The following GAS2 variants were observed in gnomAD, a reference collection of about 807,000 sequenced individuals.
GAS2 encodes the protein growth arrest specific 2.
In GAS2, 20 loss-of-function variants were observed where a neutral mutation model predicts 37.5. The ratio of observed to expected loss-of-function variants is 0.53; its 90% CI spans 0.37 to 0.77. The LOEUF (loss-of-function observed/expected upper bound fraction) is 0.77. Ranked by LOEUF, GAS2 falls within the 30% of genes least tolerant of loss-of-function variation. The pLI is 0.00. For missense variants in GAS2, 336 were observed against 373.4 expected (o/e 0.90, Z 0.82); for synonymous variants, 144 against 132.2 (o/e 1.09, Z -0.61).
intron 6 of GAS2, among the ~76,000 whole-genome samples, chr11:22,753,758 A>G (rs1853869495): frequency 6.6e-6 from 1 of 152,086 alleles, no homozygotes; most frequent in African/African-American, 2.4e-5. Flanking sequence ...ACTTCTAGCA[A>G]TGGCATAAAC....
chr11:22,797,993 G>T (rs1396012782), intron 7 of GAS2, among the ~76,000 whole-genome samples: 1 of 152,032 alleles, frequency 6.6e-6, no homozygotes, highest in East Asian at 1.9e-4. Context: ...TGTACCCTTG[G>T]CAAAGTCACT....
At chr11:22,768,642 G>A (rs931618654) in intron 7 of GAS2, among the ~76,000 whole-genome samples, 7 of 152,108 alleles carry the variant, frequency 4.6e-5, no homozygotes, top group Admixed American at 3.3e-4. Context: ...ACCTTTTGTT[G>A]TTGTTGCTAA....
chr11:22,774,974 G>A (rs917888423), intron 7 of GAS2, among the ~76,000 whole-genome samples: 6 of 152,202 alleles, frequency 3.9e-5, no homozygotes, highest in East Asian at 1.9e-4. Context: ...GGGGAAGAGA[G>A]AGAGAGAGAG....
chr11:22,702,822 G>A (rs1456685456), intron 3 of GAS2, among the ~76,000 whole-genome samples: 1 of 152,122 alleles, frequency 6.6e-6, no homozygotes, highest in South Asian at 2.1e-4. Context: ...ATATTTCAGA[G>A]CAAGGAGAAG....
chr11:22,658,236 C>T (rs1303564407), intron 1 of GAS2, among the ~76,000 whole-genome samples: 1 of 152,000 alleles, frequency 6.6e-6, no homozygotes, highest in Admixed American at 6.6e-5. Context: ...ACCATGTTGG[C>T]CAGGCTGGTC....
chr11:22,743,630 A>G (rs1853216082), intron 5 of GAS2, among the ~76,000 whole-genome samples: 1 of 152,078 alleles, frequency 6.6e-6, no homozygotes, highest in Non-Finnish European at 1.5e-5. Flanking sequence ...CTCCACTGCT[A>G]CAACAGACCT....
At chr11:22,761,968 GT>G (rs1190602775) in intron 7 of GAS2, among the ~76,000 whole-genome samples, 1 of 152,074 alleles carries the variant, frequency 6.6e-6, no homozygotes, top group Non-Finnish European at 1.5e-5. Context: ...GAAATATATT[GT>G]TCAGCATTTT....
At chr11:22,734,565 A>G (rs1852650425) in intron 4 of GAS2, among the ~76,000 whole-genome samples, 1 of 151,774 alleles carries the variant, frequency 6.6e-6, no homozygotes, top group Non-Finnish European at 1.5e-5. Flanking sequence ...AAGTGAATTA[A>G]TATTAATCGA....
chr11:22,704,167 A>T (rs1850986012), intron 3 of GAS2, among the ~76,000 whole-genome samples: 1 of 152,088 alleles, frequency 6.6e-6, no homozygotes, highest in African/African-American at 2.4e-5. Flanking sequence ...TAAGTCATGG[A>T]TTCTTTCTTC....
chr11:22,629,129 CAT>C (rs1448379577), intron 1 of GAS2, among the ~76,000 whole-genome samples: 1 of 152,102 alleles, frequency 6.6e-6, no homozygotes, highest in Non-Finnish European at 1.5e-5. Context: ...CTGTGATAAA[CAT>C]ATACATGCAA....
At chr11:22,793,184 G>A (rs532916668) in intron 7 of GAS2, among the ~76,000 whole-genome samples, 1 of 152,252 alleles carries the variant, frequency 6.6e-6, no homozygotes, top group African/African-American at 2.4e-5. Context: ...TGAGGCGGGA[G>A]AATTGCTTGA....
chr11:22,654,337 T>G (rs1057074194), intron 1 of GAS2, among the ~76,000 whole-genome samples: 1 of 152,044 alleles, frequency 6.6e-6, no homozygotes. Flanking sequence ...ATTTAAATAA[T>G]TTTTTCCTTC....
At chr11:22,755,739 A>G in intron 6 of GAS2, 107 bp from the exon 7 acceptor site, 1 of 672,174 alleles carries the variant, frequency 1.5e-6, no homozygotes, top group Non-Finnish European at 2.6e-6. Context: ...TAGATAAATA[A>G]CAAGTTTAAA....
At chr11:22,678,938 G>A (rs1315360649) in intron 2 of GAS2, among the ~76,000 whole-genome samples, 2 of 151,928 alleles carry the variant, frequency 1.3e-5, no homozygotes, top group Admixed American at 6.6e-5. Context: ...TAGGATTAAA[G>A]CATCAACTGC....
intron 7 of GAS2, among the ~76,000 whole-genome samples, chr11:22,757,325 T>C (rs1363272659): frequency 1.3e-5 from 2 of 152,172 alleles, no homozygotes; most frequent in Non-Finnish European, 2.9e-5. Flanking sequence ...GGCAGGTTTT[T>C]TGATATTCCA....
chr11:22,689,288 T>TA (rs376236874), intron 3 of GAS2, among the ~76,000 whole-genome samples: 164 of 151,238 alleles, frequency 1.1e-3, no homozygotes, highest in African/African-American at 2.2e-3. Context: ...AAATAAAAGT[T>TA]AAAAAAAAAT....
chr11:22,705,845 C>A (rs1261198969), intron 3 of GAS2, among the ~76,000 whole-genome samples: 3 of 152,124 alleles, frequency 2.0e-5, no homozygotes, highest in African/African-American at 4.8e-5. Flanking sequence ...ACATACATGA[C>A]CTCCTTTAAG....
At chr11:22,731,409 C>A in intron 4 of GAS2, 1 of 426,238 alleles carries the variant, frequency 2.3e-6, no homozygotes, top group Non-Finnish European at 4.7e-6. Context: ...TTGCTATCTG[C>A]GGTGTAGCAT....
intron 5 of GAS2, among the ~76,000 whole-genome samples, chr11:22,738,277 A>T (rs914723774): frequency 1.3e-5 from 2 of 152,240 alleles, no homozygotes; most frequent in South Asian, 4.1e-4. Flanking sequence ...GGAAAGACAT[A>T]GAATGTTATC....
Sources: gnomAD v4.1 joint callset for allele counts (sites outside exome capture counted in the v4.1 genomes callset) on GRCh38, gnomAD v4.1.1 for gene constraint, MANE v1.5 for transcripts, NCBI Gene and HGNC (gene_info 2026-07-23, HGNC 2026-07-21) for gene names.